The following TRPC4 variants were observed in gnomAD, a reference collection of about 807,000 sequenced individuals.
TRPC4 encodes the protein transient receptor potential cation channel subfamily C member 4, also known as short transient receptor potential channel 4.
Under a neutral mutation model 99.4 loss-of-function variants are expected in TRPC4, and 49 were observed. The ratio of observed to expected loss-of-function variants is 0.49; its 90% confidence interval spans 0.39 to 0.63. The LOEUF is 0.63. Ranked by LOEUF, TRPC4 falls within the 20% of genes least tolerant of loss-of-function variation. The probability of loss-of-function intolerance (pLI) is 0.00; values close to 1 mark genes in which losing one functional copy is unlikely to be tolerated. For synonymous variants in TRPC4, 454 were observed against 425.9 expected, an observed-to-expected ratio of 1.07 and a Z score of -0.81; for missense variants, 898 against 1,152.9, an observed-to-expected ratio of 0.78 and a Z score of 3.20.
intron 1 of TRPC4, among the ~76,000 whole-genome samples, chr13:37,869,058 T>A (rs1188493727): frequency 6.6e-6 from 1 of 152,102 alleles, no homozygotes; most frequent in Non-Finnish European, 1.5e-5. Flanking sequence ...GATAAAAGTG[T>A]TTCTGTTTCT....
At chr13:37,652,937 T>C (rs1052774616) in intron 7 of TRPC4, among the ~76,000 whole-genome samples, 2 of 152,074 alleles carry the variant, frequency 1.3e-5, no homozygotes, top group Non-Finnish European at 2.9e-5. Flanking sequence ...GATAAAAAGC[T>C]CTAAGCTGGT....
chr13:37,786,589 T>A (rs530510673), intron 1 of TRPC4, among the ~76,000 whole-genome samples: 95 of 152,198 alleles, frequency 6.2e-4, no homozygotes, highest in East Asian at 3.9e-4. Flanking sequence ...ATGGAATTGC[T>A]ACTGGATAGA....
At chr13:37,790,954 A>T (rs1957102639) in intron 1 of TRPC4, among the ~76,000 whole-genome samples, 2 of 152,104 alleles carry the variant, frequency 1.3e-5, no homozygotes, top group Admixed American at 6.6e-5. Flanking sequence ...CTTTAAAAAT[A>T]GGGAAGAAAA....
intron 1 of TRPC4, among the ~76,000 whole-genome samples, chr13:37,800,062 T>C (rs1957363941): frequency 6.6e-6 from 1 of 152,214 alleles, no homozygotes; most frequent in Admixed American, 6.5e-5. Flanking sequence ...TTTGATTACC[T>C]CTCAGTGCAT....
chr13:37,726,200 C>CAA (rs891422589), intron 3 of TRPC4, among the ~76,000 whole-genome samples: 1 of 147,960 alleles, frequency 6.8e-6, no homozygotes, highest in African/African-American at 2.5e-5. Context: ...CGTCCCCCCC[C>CAA]AAAAAAAAAA....
chr13:37,757,015 C>T (rs1956114205), intron 2 of TRPC4, among the ~76,000 whole-genome samples: 1 of 151,838 alleles, frequency 6.6e-6, no homozygotes, highest in Admixed American at 6.6e-5. Context: ...GACCCTAATT[C>T]AGAAAGAATA....
At chr13:37,861,868 G>T (rs1250257685) in intron 1 of TRPC4, among the ~76,000 whole-genome samples, 1 of 151,410 alleles carries the variant, frequency 6.6e-6, no homozygotes, top group Non-Finnish European at 1.5e-5. Context: ...ATGCTTAGAG[G>T]TAGGCACTCT....
chr13:37,719,194 C>A (rs1392966621), intron 3 of TRPC4, among the ~76,000 whole-genome samples: 1 of 151,980 alleles, frequency 6.6e-6, no homozygotes, highest in Non-Finnish European at 1.5e-5. Context: ...TGAAAACATT[C>A]TTCAAGAATG....
chr13:37,828,529 A>G (rs775571743), intron 1 of TRPC4, among the ~76,000 whole-genome samples: 3 of 152,230 alleles, frequency 2.0e-5, no homozygotes, highest in Admixed American at 6.5e-5. Context: ...AAAGACATGC[A>G]TGTGTATGTT....
At chr13:37,841,578 A>G (rs980081194) in intron 1 of TRPC4, among the ~76,000 whole-genome samples, 1 of 152,182 alleles carries the variant, frequency 6.6e-6, no homozygotes, top group Middle Eastern at 3.4e-3. Context: ...GAAAATATTC[A>G]AAAAACAGAA....
chr13:37,761,775 T>C (rs1175906695), intron 2 of TRPC4, among the ~76,000 whole-genome samples: 1 of 151,882 alleles, frequency 6.6e-6, no homozygotes, highest in African/African-American at 2.4e-5. Flanking sequence ...ATTCATTTGT[T>C]TCTCCTCACA....
intron 1 of TRPC4, among the ~76,000 whole-genome samples, chr13:37,859,604 G>A (rs556130292): frequency 7.3e-5 from 11 of 151,412 alleles, no homozygotes; most frequent in African/African-American, 2.7e-4. Flanking sequence ...GTACCGAAAT[G>A]AAATGAATTT....
intron 1 of TRPC4, among the ~76,000 whole-genome samples, chr13:37,853,340 C>G (rs961977808): frequency 1.3e-5 from 2 of 152,166 alleles, no homozygotes; most frequent in Admixed American, 1.3e-4. Flanking sequence ...TACTACAGAT[C>G]TTATTAAAGA....
intron 4 of TRPC4, among the ~76,000 whole-genome samples, chr13:37,691,673 T>A (rs1953717088): frequency 6.6e-6 from 1 of 152,234 alleles, no homozygotes; most frequent in Admixed American, 6.5e-5. Flanking sequence ...TTAGGAATAT[T>A]AGAATGATTA....
At chr13:37,800,556 T>G (rs1266420546) in intron 1 of TRPC4, among the ~76,000 whole-genome samples, 1 of 152,148 alleles carries the variant, frequency 6.6e-6, no homozygotes, top group East Asian at 1.9e-4. Flanking sequence ...TGAAAAAGTA[T>G]GATTTTTTAT....
At chr13:37,643,005 C>T (rs552553422) in intron 8 of TRPC4, among the ~76,000 whole-genome samples, 1 of 152,270 alleles carries the variant, frequency 6.6e-6, no homozygotes, top group East Asian at 1.9e-4. Context: ...GCTGAGATTA[C>T]AGGTGTGAGC....
intron 2 of TRPC4, among the ~76,000 whole-genome samples, chr13:37,752,212 T>G (rs116978258): frequency 0.016 from 2,354 of 151,176 alleles, 53 homozygotes; most frequent in Middle Eastern, 0.079. Context: ...TACGGTACTG[T>G]GCAACATTTT....
chr13:37,729,828 C>G (rs1188553292), intron 3 of TRPC4, among the ~76,000 whole-genome samples: 2 of 152,064 alleles, frequency 1.3e-5, no homozygotes, highest in African/African-American at 4.8e-5. Context: ...GACTGAATAT[C>G]TATATTCATT....
intron 3 of TRPC4, among the ~76,000 whole-genome samples, chr13:37,716,011 C>G (rs1369407148): frequency 6.6e-6 from 1 of 152,100 alleles, no homozygotes; most frequent in African/African-American, 2.4e-5. Context: ...TTTGCATGTC[C>G]TTTTTAAGAG....
Sources: allele counts gnomAD v4.1 joint callset (sites outside exome capture counted in the v4.1 genomes callset), GRCh38; gene constraint gnomAD v4.1.1; transcripts MANE v1.5; gene names NCBI Gene and HGNC (gene_info 2026-07-23, HGNC 2026-07-21).